The following FAM161A variants were observed in gnomAD, a reference collection of about 807,000 sequenced individuals.
FAM161A encodes FAM161 centrosomal protein A.
FAM161A carries 57 observed loss-of-function variants against 70.9 expected under a neutral mutation model. The ratio of observed to expected loss-of-function variants is 0.80; its 90% CI spans 0.65 to 1.00. The LOEUF (loss-of-function observed/expected upper bound fraction) is 1.00, where lower values mean the gene tolerates loss of function less well. FAM161A is among the 50% of genes least tolerant of loss of function. The pLI is 0.00. For synonymous variants in FAM161A, 299 were observed against 295.7 expected, an observed-to-expected ratio of 1.01 and a Z score of -0.12; for missense variants, 880 against 836.0, an observed-to-expected ratio of 1.05 and a Z score of -0.65.
chr2:61,803,567 G>A, the FAM161A span, among the ~76,000 whole-genome samples: 2 of 152,256 alleles, frequency 1.3e-5, no homozygotes, highest in African/African-American at 4.8e-5. Flanking sequence ...TGTAATCCCA[G>A]CACTTTGGGA....
rs1275339010 is a variant in FAM161A, at chr2:61,854,019, G to A, written c.23C>T (p.Ala8Val). 20 of 1,611,152 alleles carry A rather than the reference G, an allele frequency of 1.2e-5. No homozygotes were observed. In the East Asian group the frequency reaches 2.2e-4, roughly 18 times the overall value. The change falls in exon 1 of 7, where the codon GCG (alanine) becomes GTG (valine). Residue 8 changes from alanine to valine, a missense_variant. Ala to Val is a moderately conservative substitution (Grantham distance 64). Transcript: ENST00000404929. MATSHRV[A>V]KLVASSLQTP... ...CTGGAGACTGGAGGCCACCAGCTTCGCCACTCGGTGGGAGGTGGCCATCGC... is the reference window on the plus strand; with the variant it reads ...CTGGAGACTGGAGGCCACCAGCTTCACCACTCGGTGGGAGGTGGCCATCGC...
At chr2:61,837,963 G>C (rs892450076) in intron 4 of FAM161A, among the ~76,000 whole-genome samples, 4 of 152,176 alleles carry the variant, frequency 2.6e-5, no homozygotes, top group Middle Eastern at 3.2e-3. Context: ...GAGGGAGATA[G>C]TTTCCTACTT....
downstream of FAM161A, among the ~76,000 whole-genome samples, chr2:61,823,816 A>G (rs1305180440): frequency 2.0e-5 from 3 of 152,206 alleles, no homozygotes; most frequent in African/African-American, 7.2e-5. Flanking sequence ...AAAAAAGAGC[A>G]TAACCTTTTT....
chr2:61,848,024 C>T (rs1400081548), intron 1 of FAM161A, among the ~76,000 whole-genome samples: 5 of 152,104 alleles, frequency 3.3e-5, no homozygotes, highest in Admixed American at 6.6e-5. Context: ...AAGAAAAAGG[C>T]CTATGTTCCA....
downstream of FAM161A, among the ~76,000 whole-genome samples, chr2:61,823,245 A>G (rs2105053526): frequency 6.6e-6 from 1 of 151,074 alleles, no homozygotes; most frequent in South Asian, 2.1e-4. Context: ...AGGCAGGAGA[A>G]TCACTTGAAC....
intron 6 of FAM161A, 88 bp from the exon 7 acceptor site, chr2:61,826,687 C>T: frequency 1.8e-6 from 2 of 1,122,006 alleles, no homozygotes; most frequent in Non-Finnish European, 1.3e-6. Flanking sequence ...CACCGTGTAG[C>T]CAGTCTTCCT....
chr2:61,807,633 A>ATTTTTTT, the FAM161A span, among the ~76,000 whole-genome samples: 30 of 113,312 alleles, frequency 2.6e-4, no homozygotes, highest in African/African-American at 7.8e-4. Flanking sequence ...TGGACTCCAG[A>ATTTTTTT]TTTTTTTTTT....
At chr2:61,827,957 G>A (rs1456978271) in intron 5 of FAM161A, among the ~76,000 whole-genome samples, 2 of 152,090 alleles carry the variant, frequency 1.3e-5, no homozygotes, top group African/African-American at 4.8e-5. Flanking sequence ...ATAATACTGA[G>A]CAAAAGAAGC....
chr2:61,821,394 C>T (rs1016426508), downstream of FAM161A, among the ~76,000 whole-genome samples: 3 of 152,082 alleles, frequency 2.0e-5, no homozygotes, highest in Non-Finnish European at 2.9e-5. Context: ...TTTTCCTTCT[C>T]AATTTTTTAT....
At chr2:61,823,384 T>C (rs1672251374), downstream of FAM161A, among the ~76,000 whole-genome samples, 1 of 125,628 alleles carries the variant, frequency 8.0e-6, no homozygotes, top group Non-Finnish European at 1.7e-5. Context: ...TATATATATA[T>C]ATTGAGTCAG....
At chr2:61,818,064 CTT>C in the FAM161A span, among the ~76,000 whole-genome samples, 74 of 139,670 alleles carry the variant, frequency 5.3e-4, no homozygotes, top group East Asian at 1.0e-3. Flanking sequence ...CATTCAGATC[CTT>C]TTTTTTTTTT....
Position 61,842,233 on chromosome 2 carries a change from G to T in FAM161A, c.311C>A (p.Ala104Asp). The T allele has an allele frequency of 6.2e-7, 1 of 1,613,068 alleles. No individual in the cohort carries two copies. Among genetic ancestry groups the T allele is most frequent in the African/African-American group, 1.3e-5 (1 of 75,004 alleles). ...EYFKKVEELK[A>D]AHIETMAKLE... ...TTTTGCCATAGTTTCTATGTGGGCAGCCTTCAACTCTTCTACTTTCTTGAA... is the reference window on the plus strand; with the variant it reads ...TTTTGCCATAGTTTCTATGTGGGCATCCTTCAACTCTTCTACTTTCTTGAA... Residue 104 changes from alanine to aspartate, a missense_variant, in exon 2 of 7, where the codon GCT becomes GAT. Coordinates refer to ENST00000404929, the MANE Select transcript of FAM161A (RefSeq NM_001201543.2).
intron 1 of FAM161A, among the ~76,000 whole-genome samples, chr2:61,851,429 C>G (rs933096441): frequency 6.6e-6 from 1 of 152,012 alleles, no homozygotes; most frequent in Non-Finnish European, 1.5e-5. Flanking sequence ...CTCCGCCTCC[C>G]GGGTTCAGGC....
chr2:61,842,030 T>G, intron 2 of FAM161A, 92 bp downstream of exon 2: 1 of 870,982 alleles, frequency 1.1e-6, no homozygotes, highest in East Asian at 2.4e-5. Context: ...AAGGGCTATT[T>G]AAGAGAAAAT....
At chr2:61,848,304 C>T (rs939760078) in intron 1 of FAM161A, among the ~76,000 whole-genome samples, 6 of 152,184 alleles carry the variant, frequency 3.9e-5, no homozygotes, top group Non-Finnish European at 8.8e-5. Context: ...CAGCTTAATA[C>T]TGTTAACGCT....
intron 1 of FAM161A, among the ~76,000 whole-genome samples, chr2:61,850,537 G>A (rs939335896): frequency 6.6e-6 from 1 of 152,114 alleles, no homozygotes; most frequent in Non-Finnish European, 1.5e-5. Context: ...TGGATCACTT[G>A]AGCCCAGGAG....
rs1672354189 is a variant in FAM161A, at chr2:61,826,127, C to T, written c.*328G>A. On this transcript the variant is annotated 3_prime_UTR_variant, in exon 7 of 7. Transcript: ENST00000404929. ...CTTCTCTCTCCTTTCAATACTAAGC[C>T]ATTTTTTCCAGTAAAATTAATGAAA... 1 of 489,560 alleles carries T rather than the reference C, an allele frequency of 2.0e-6. No individual in the cohort carries two copies. Among genetic ancestry groups the T allele is most frequent in the African/African-American group, 1.9e-5 (1 of 51,386 alleles). The allele number at this position is 489,560 out of a possible 1,614,324, so 30.3% of individuals were successfully genotyped here. A position where few individuals can be genotyped will look rare whatever the true frequency, so the allele number is the denominator to read the frequency against.
downstream of FAM161A, chr2:61,820,325 G>C (rs1672176892): frequency 8.1e-6 from 6 of 742,202 alleles, no homozygotes; most frequent in South Asian, 6.9e-5. Flanking sequence ...CTCACAGGCT[G>C]TGTGGTCATG....
At chr2:61,853,294 A>G (rs1673561446) in intron 1 of FAM161A, among the ~76,000 whole-genome samples, 1 of 152,170 alleles carries the variant, frequency 6.6e-6, no homozygotes, top group South Asian at 2.1e-4. Context: ...AGATTTAACA[A>G]TGAAAACTGA....
Sources: allele counts gnomAD v4.1 joint callset (sites outside exome capture counted in the v4.1 genomes callset), GRCh38; gene constraint gnomAD v4.1.1; transcripts MANE v1.5; gene names NCBI Gene and HGNC (gene_info 2026-07-23, HGNC 2026-07-21).